NEDD4L: variants seen among roughly 807,000 people sequenced by gnomAD.
NEDD4L encodes NEDD4 like E3 ubiquitin protein ligase.
In NEDD4L, 54 loss-of-function variants were observed where a neutral mutation model predicts 148.9. The observed-to-expected ratio is 0.36, with a 90% CI of 0.29 to 0.45. The LOEUF (loss-of-function observed/expected upper bound fraction) is 0.45. Among genes scored for constraint, NEDD4L ranks in the 20% least tolerant of loss-of-function variants. NEDD4L has a pLI of 1.00. For missense variants in NEDD4L, 856 were observed against 1,233.8 expected, an observed-to-expected ratio of 0.69 and a Z score of 4.59; for synonymous variants, 433 against 440.7, an observed-to-expected ratio of 0.98 and a Z score of 0.22.
At chr18:58,131,439 A>G (rs2032130947) in intron 1 of NEDD4L, among the ~76,000 whole-genome samples, 4 of 145,296 alleles carry the variant, frequency 2.8e-5, no homozygotes, top group Admixed American at 6.9e-5. Flanking sequence ...TTTGGTTGTG[A>G]TCTAGCAGAA....
At chr18:58,126,757 T>G (rs2031179109) in intron 1 of NEDD4L, among the ~76,000 whole-genome samples, 1 of 152,192 alleles carries the variant, frequency 6.6e-6, no homozygotes, top group Non-Finnish European at 1.5e-5. Flanking sequence ...CTCCATATCC[T>G]CCCCAGCAGT....
intron 2 of NEDD4L, among the ~76,000 whole-genome samples, chr18:58,242,388 C>T (rs1475433692): frequency 6.6e-6 from 1 of 152,190 alleles, no homozygotes; most frequent in Non-Finnish European, 1.5e-5. Flanking sequence ...ATTCCCATTT[C>T]ATTCATGAGC....
intron 2 of NEDD4L, chr18:58,197,832 G>A (rs1468745122): frequency 6.6e-6 from 1 of 152,342 alleles, no homozygotes; most frequent in Non-Finnish European, 1.5e-5. Context: ...CCTGTTGGGT[G>A]GAGGGCTTGA....
chr18:58,099,725 G>A (rs1472609175), intron 1 of NEDD4L, among the ~76,000 whole-genome samples: 3 of 152,194 alleles, frequency 2.0e-5, no homozygotes, highest in Non-Finnish European at 2.9e-5. Flanking sequence ...TCTGACCTGG[G>A]CATTTGAGGT....
At chr18:58,350,245 C>G (rs1255918168) in intron 17 of NEDD4L, among the ~76,000 whole-genome samples, 3 of 152,102 alleles carry the variant, frequency 2.0e-5, no homozygotes, top group Admixed American at 2.0e-4. Flanking sequence ...TTGTTGTTTT[C>G]CAAGTGTAAG....
At chr18:58,253,771 T>G (rs962933602) in intron 5 of NEDD4L, among the ~76,000 whole-genome samples, 1 of 152,204 alleles carries the variant, frequency 6.6e-6, no homozygotes, top group Non-Finnish European at 1.5e-5. Flanking sequence ...AAAAATTGTT[T>G]CCCATTTCCG....
chr18:58,165,599 TCA>T (rs2036749522), intron 1 of NEDD4L, 187 bp from the exon 2 acceptor site: 2 of 1,445,408 alleles, frequency 1.4e-6, no homozygotes, highest in East Asian at 5.1e-5. Flanking sequence ...GTTTCTAGAG[TCA>T]CAGACTTTTA....
At chr18:58,359,906 A>T (rs1454734733) in intron 19 of NEDD4L, 1 of 152,244 alleles carries the variant, frequency 6.6e-6, no homozygotes, top group African/African-American at 2.4e-5. Context: ...TGACAGTCTG[A>T]GAGTGGTAAT....
At chr18:58,094,974 T>TA (rs1298613777) in intron 1 of NEDD4L, among the ~76,000 whole-genome samples, 1 of 152,082 alleles carries the variant, frequency 6.6e-6, no homozygotes, top group Non-Finnish European at 1.5e-5. Context: ...CCCATGTCAT[T>TA]AGCCCTTTGC....
At chr18:58,286,249 G>A (rs8091196) in intron 5 of NEDD4L, among the ~76,000 whole-genome samples, 65,655 of 152,018 alleles carry the variant, frequency 0.43, 14,605 homozygotes, top group African/African-American at 0.54. Flanking sequence ...CTGTAGAAGT[G>A]CAGTACTATG....
At chr18:58,227,892 A>G in intron 2 of NEDD4L, 1 of 977,264 alleles carries the variant, frequency 1.0e-6, no homozygotes, top group Non-Finnish European at 1.2e-6. Flanking sequence ...ACCAAGTGTG[A>G]GTCTGATAAT....
chr18:58,304,520 AAAAG>A lies in NEDD4L; in HGVS notation c.298-11451_298-11448del, dbSNP rs764035965. ...CATAACAAGACTCTGTCTCAATTAA[AAAAG>A]AAAGAAAGAACATTTGTTGAATCTA... On this transcript the variant is annotated intron_variant, in intron 5 of 30. Coordinates refer to ENST00000400345, the MANE Select transcript of NEDD4L (RefSeq NM_001144967.3). Among the ~76,000 whole-genome samples, 19 of 152,286 alleles carry A rather than the reference AAAAG, an allele frequency of 1.2e-4. 1 individual carries two copies. The South Asian group carries it at 2.3e-3, about 18-fold the overall frequency.
At chr18:58,151,613 C>G (rs538947472) in intron 1 of NEDD4L, among the ~76,000 whole-genome samples, 22 of 77,148 alleles carry the variant, frequency 2.9e-4, no homozygotes, top group Non-Finnish European at 4.5e-4. Context: ...GATGAGGTAG[C>G]TGTGCCTGGA....
At chr18:58,080,965 G>A (rs2083399937) in intron 1 of NEDD4L, among the ~76,000 whole-genome samples, 1 of 152,098 alleles carries the variant, frequency 6.6e-6, no homozygotes, top group Non-Finnish European at 1.5e-5. Context: ...AAATGTGAGG[G>A]CCGGAGTCCT....
At chr18:58,290,007 T>A (rs1335163404) in intron 5 of NEDD4L, among the ~76,000 whole-genome samples, 1 of 152,228 alleles carries the variant, frequency 6.6e-6, no homozygotes, top group African/African-American at 2.4e-5. Flanking sequence ...AAAAATGATA[T>A]GTTTAATATT....
intron 10 of NEDD4L, among the ~76,000 whole-genome samples, chr18:58,330,165 G>A (rs953462389): frequency 6.6e-6 from 1 of 152,196 alleles, no homozygotes; most frequent in African/African-American, 2.4e-5. Flanking sequence ...ATTGTGTTAG[G>A]AAGATCATTT....
chr18:58,044,771 G>A (rs1568133120), intron 1 of NEDD4L, 63 bp downstream of exon 1: 3 of 1,572,444 alleles, frequency 1.9e-6, no homozygotes, highest in African/African-American at 1.4e-5. Flanking sequence ...GCCGGCAGGG[G>A]GAGGGGAAAG....
intron 1 of NEDD4L, among the ~76,000 whole-genome samples, chr18:58,075,918 G>T (rs1303115463): frequency 6.6e-6 from 1 of 152,110 alleles, no homozygotes; most frequent in African/African-American, 2.4e-5. Flanking sequence ...GACAGGGCGA[G>T]ACCCCTCCAG....
chr18:58,256,698 G>C lies in NEDD4L; in HGVS notation c.297+4644G>C. On this transcript the variant is annotated intron_variant, in intron 5 of 30. Transcript: ENST00000400345. The surrounding 1 kb of genome is among the most constrained non-coding windows in gnomAD (Gnocchi z 5.2). Reference sequence around the variant, plus strand: ...CAGCATTTTAGAATTCTTGTAACCCGGGGGCCGGAAGAAGCTCCCCAGAAT... The same window carrying C: ...CAGCATTTTAGAATTCTTGTAACCCCGGGGCCGGAAGAAGCTCCCCAGAAT... The C allele has an allele frequency of 8.1e-7, 1 of 1,232,156 alleles. No individual in the cohort carries two copies. The highest frequency in any genetic ancestry group is 1.0e-6 in the Non-Finnish European group (1 of 988,032). The allele number at this position is 1,232,156 out of a possible 1,614,324, so 76.3% of individuals were successfully genotyped here.
Sources: gnomAD v4.1 joint callset for allele counts (sites outside exome capture counted in the v4.1 genomes callset) on GRCh38, gnomAD v4.1.1 for gene constraint, Gnocchi (gnomAD v3.1) non-coding constraint, MANE v1.5 for transcripts, NCBI Gene and HGNC (gene_info 2026-07-23, HGNC 2026-07-21) for gene names.